Variants in PHACTR2 observed in about 807,000 individuals in gnomAD.
PHACTR2 encodes phosphatase and actin regulator 2, also known as chromosome 6 open reading frame 56.
Under a neutral mutation model 76.0 loss-of-function variants are expected in PHACTR2, and 30 were observed. The observed-to-expected ratio is 0.39, with a 90% CI of 0.30 to 0.54. The LOEUF is 0.54. Ranked by LOEUF, PHACTR2 falls within the 20% of genes least tolerant of loss-of-function variation. The pLI, the probability that PHACTR2 is intolerant of heterozygous loss-of-function variation, is 0.61. For synonymous variants in PHACTR2, 292 were observed against 292.5 expected (o/e 1.00, Z 0.02); for missense variants, 696 against 781.1 (o/e 0.89, Z 1.30).
chr6:143,588,706 G>A (rs1383388047), intron 1 of PHACTR2, among the ~76,000 whole-genome samples: 1 of 152,062 alleles, frequency 6.6e-6, no homozygotes, highest in African/African-American at 2.4e-5. Flanking sequence ...TGACACACCT[G>A]GGAATATCCA....
In PHACTR2 at chr6:143,742,249, C is replaced by A. The variant is rs553981414; in HGVS notation, c.215-6736C>A. ...AATCCAGGGGCAGAAAACCTTCAGG[C>A]GTGGTTGGATCCAGGTGCTTACAAG... is the stretch of plus-strand genomic sequence containing the variant. On this transcript the variant is annotated intron_variant, in intron 2 of 12. Transcript: ENST00000440869. This position sits in a 1 kb window ranked among gnomAD's most constrained non-coding sequence, Gnocchi z 4.5. Among the ~76,000 whole-genome samples, 7 of 152,130 alleles carry A rather than the reference C, an allele frequency of 4.6e-5. No individual in the cohort carries two copies. Among genetic ancestry groups the A allele is most frequent in the African/African-American group, 1.7e-4 (7 of 41,426 alleles).
At position 143,743,483 on chromosome 6, in the gene PHACTR2, T is replaced by A. The variant is rs1225090831; in HGVS notation, c.215-5502T>A. Among the ~76,000 whole-genome samples the A allele has an allele frequency of 6.6e-6, 1 of 152,228 alleles. No individual in the cohort carries two copies. Among genetic ancestry groups the A allele is most frequent in the East Asian group, 1.9e-4 (1 of 5,200 alleles). On this transcript the variant is annotated intron_variant, in intron 2 of 12. Transcript: ENST00000440869. The surrounding 1 kb of genome is among the most constrained non-coding windows in gnomAD (Gnocchi z 5.0). ...TGTTTTTAGGTGGGGATGTTGGCTT[T>A]GTATCTCTGCTGTACATTCTTGGGA...
Position 143,599,145 on chromosome 6 carries a change from A to G in PHACTR2, c.217+61938A>G, listed in dbSNP as rs1775787079. On this transcript the variant is annotated intron_variant, in intron 1 of 11. Transcript: ENST00000367584. The surrounding 1 kb of genome is among the most constrained non-coding windows in gnomAD (Gnocchi z 4.6). ...TGGGGTCACCTCCAATTCTTTTTTC[A>G]ATGAAGTCCTGGATAAGGAGACAAA... Among the ~76,000 whole-genome samples the G allele has an allele frequency of 6.6e-6, 1 of 152,154 alleles. No homozygotes were observed. The highest frequency in any genetic ancestry group is 1.5e-5 in the Non-Finnish European group (1 of 68,026).
In PHACTR2 at chr6:143,784,492, C is replaced by T. The variant is rs1163788437; in HGVS notation, c.1707+1212C>T. Among the ~76,000 whole-genome samples the T allele has an allele frequency of 6.6e-6, 1 of 152,150 alleles. No individual in the cohort carries two copies. The highest frequency in any genetic ancestry group is 1.9e-4 in the East Asian group (1 of 5,194). ...CATCTACATGAAGTGTGACCTGACC[C>T]ACATTTTTGTGGGCTGGCCAGGGAG... On this transcript the variant is annotated intron_variant, in intron 10 of 12. Transcript: ENST00000440869. The surrounding 1 kb of genome is among the most constrained non-coding windows in gnomAD (Gnocchi z 4.5).
At chr6:143,759,679 C>CAA (rs796561358) in intron 4 of PHACTR2, among the ~76,000 whole-genome samples, 7 of 68,254 alleles carry the variant, frequency 1.0e-4, no homozygotes, top group Non-Finnish European at 1.3e-4. Flanking sequence ...CACACACATA[C>CAA]AAAAAAAAAA....
In PHACTR2 at chr6:143,829,919, AC is replaced by A. The variant is rs1309792037; in HGVS notation, c.*6233del. 2 of 152,122 alleles carry A rather than the reference AC, an allele frequency of 1.3e-5. No individual in the cohort carries two copies. Among genetic ancestry groups the A allele is most frequent in the East Asian group, 3.9e-4 (2 of 5,192 alleles). The allele number at this position is 152,122 out of a possible 1,614,324, so 9.4% of individuals were successfully genotyped here. On this transcript the variant is annotated 3_prime_UTR_variant, in exon 13 of 13. Coordinates refer to ENST00000440869, the MANE Select transcript of PHACTR2 (RefSeq NM_001100164.2). ...AGCAAATAAGGCAGAATGCCACTCT[AC>A]CCTCAGGTCAATTTTATGGTATATG...
intron 1 of PHACTR2, among the ~76,000 whole-genome samples, chr6:143,705,960 C>T (rs887788974): frequency 1.3e-5 from 2 of 152,218 alleles, no homozygotes; most frequent in Admixed American, 1.3e-4. Flanking sequence ...TCTGTAAGGA[C>T]TTACCTCTTC....
intron 12 of PHACTR2, among the ~76,000 whole-genome samples, chr6:143,814,626 G>T (rs911603733): frequency 7.2e-6 from 1 of 139,246 alleles, no homozygotes; most frequent in Admixed American, 7.3e-5. Flanking sequence ...TTTTTAAGAC[G>T]GAGTCTCGCT....
Position 143,761,713 on chromosome 6 carries a change from C to T in PHACTR2, c.694+1073C>T, listed in dbSNP as rs1319479382. Reference sequence around the variant, plus strand: ...AAGTTGCGGTGAGCTGAGATCGCGCCACTGCACTCCAGCCTGGGCGACAGA... The same window carrying T: ...AAGTTGCGGTGAGCTGAGATCGCGCTACTGCACTCCAGCCTGGGCGACAGA... On this transcript the variant is annotated intron_variant, in intron 5 of 12. Transcript: ENST00000440869. This position sits in a 1 kb window ranked among gnomAD's most constrained non-coding sequence, Gnocchi z 5.2. Among the ~76,000 whole-genome samples, 1 of 151,732 alleles carries T rather than the reference C, an allele frequency of 6.6e-6. No individual in the cohort carries two copies. The highest frequency in any genetic ancestry group is 1.5e-5 in the Non-Finnish European group (1 of 67,944).
upstream of PHACTR2, among the ~76,000 whole-genome samples, chr6:143,604,129 A>G (rs560318666): frequency 1.3e-5 from 2 of 151,844 alleles, no homozygotes; most frequent in Non-Finnish European, 2.9e-5. Context: ...AAAGAAAAGA[A>G]GACACTTTCA....
chr6:143,538,742 A>G (rs980785989), intron 1 of PHACTR2, among the ~76,000 whole-genome samples: 1 of 152,228 alleles, frequency 6.6e-6, no homozygotes, highest in Admixed American at 6.5e-5. Flanking sequence ...TATTCTTGTC[A>G]TATTGTTTTT....
At chr6:143,796,975 G>A (rs553511133) in intron 11 of PHACTR2, among the ~76,000 whole-genome samples, 131 of 152,186 alleles carry the variant, frequency 8.6e-4, no homozygotes, top group Non-Finnish European at 1.6e-3. Context: ...AGATCCTTGA[G>A]GAATCGCCAC....
intron 1 of PHACTR2, among the ~76,000 whole-genome samples, chr6:143,706,686 C>T (rs966506706): frequency 1.3e-5 from 2 of 152,178 alleles, no homozygotes; most frequent in Admixed American, 6.5e-5. Flanking sequence ...TCTCCATTTG[C>T]CATTTATCTT....
intron 3 of PHACTR2, among the ~76,000 whole-genome samples, chr6:143,749,921 A>T (rs1487817874): frequency 6.6e-6 from 1 of 152,218 alleles, no homozygotes; most frequent in Non-Finnish European, 1.5e-5. Context: ...ATAATAAAGT[A>T]TTATTATTGT....
Position 143,751,585 on chromosome 6 carries a change from G to A in PHACTR2, c.296-2169G>A, listed in dbSNP as rs1779181745. Among the ~76,000 whole-genome samples, 1 of 152,000 alleles carries A rather than the reference G, an allele frequency of 6.6e-6. No individual in the cohort carries two copies. Among genetic ancestry groups the A allele is most frequent in the Admixed American group, 6.6e-5 (1 of 15,248 alleles). On this transcript the variant is annotated intron_variant, in intron 3 of 12. Transcript: ENST00000440869. The surrounding 1 kb of genome is among the most constrained non-coding windows in gnomAD (Gnocchi z 5.7). Reference sequence around the variant, plus strand: ...CAATACACCTGTTTACTAGAAGGAGGTGACCCCCTTCAAACACCCTCGTGT... The same window carrying A: ...CAATACACCTGTTTACTAGAAGGAGATGACCCCCTTCAAACACCCTCGTGT...
intron 1 of PHACTR2, among the ~76,000 whole-genome samples, chr6:143,613,843 A>C (rs1776018656): frequency 6.6e-6 from 1 of 152,020 alleles, no homozygotes; most frequent in Non-Finnish European, 1.5e-5. Flanking sequence ...TCCCCAACCC[A>C]CCTCCACACA....
intron 1 of PHACTR2, among the ~76,000 whole-genome samples, chr6:143,569,821 G>A (rs1479863264): frequency 2.6e-5 from 4 of 152,160 alleles, no homozygotes; most frequent in Admixed American, 6.5e-5. Context: ...GCAGATAAAA[G>A]TATAATTGAT....
Position 143,806,101 on chromosome 6 carries a change from T to C in PHACTR2, c.1846-956T>C, listed in dbSNP as rs938393886. ...AAAAACATGAGTAAAACATTCTTTA[T>C]AGAGAAGTTAGGAAATAAAAATAAG... On this transcript the variant is annotated intron_variant, in intron 11 of 12. Coordinates refer to ENST00000440869, the MANE Select transcript of PHACTR2 (RefSeq NM_001100164.2). This position sits in a 1 kb window ranked among gnomAD's most constrained non-coding sequence, Gnocchi z 5.8. Among the ~76,000 whole-genome samples, 1 of 152,188 alleles carries C rather than the reference T, an allele frequency of 6.6e-6. No individual in the cohort carries two copies. Among genetic ancestry groups the C allele is most frequent in the Non-Finnish European group, 1.5e-5 (1 of 68,034 alleles).
At chr6:143,693,565 C>T (rs1422285509) in intron 1 of PHACTR2, among the ~76,000 whole-genome samples, 1 of 152,160 alleles carries the variant, frequency 6.6e-6, no homozygotes, top group Non-Finnish European at 1.5e-5. Context: ...TTAAATAGGC[C>T]ATTTAAGGAC....
Sources: gnomAD v4.1 joint callset for allele counts (sites outside exome capture counted in the v4.1 genomes callset) on GRCh38, gnomAD v4.1.1 for gene constraint, Gnocchi (gnomAD v3.1) non-coding constraint, MANE v1.5 for transcripts, NCBI Gene and HGNC (gene_info 2026-07-23, HGNC 2026-07-21) for gene names.